GSR: variants seen among roughly 807,000 people sequenced by gnomAD.
GSR encodes glutathione-disulfide reductase.
Under a neutral mutation model 56.5 loss-of-function variants are expected in GSR, and 48 were observed. The observed-to-expected ratio is 0.85, with a 90% CI of 0.67 to 1.08. The LOEUF (loss-of-function observed/expected upper bound fraction) is 1.08, where lower values mean the gene tolerates loss of function less well. GSR is among the 50% of genes least tolerant of loss of function. GSR has a pLI of 0.00. For missense variants in GSR, 694 were observed against 703.3 expected, an observed-to-expected ratio of 0.99 and a Z score of 0.15; for synonymous variants, 264 against 270.8, an observed-to-expected ratio of 0.97 and a Z score of 0.25.
chr8:30,699,379 C>T (rs1459670630), intron 6 of GSR, among the ~76,000 whole-genome samples: 3 of 151,658 alleles, frequency 2.0e-5, no homozygotes, highest in South Asian at 2.1e-4. Context: ...GAGGCTGAGG[C>T]GGGCGGATCA....
intron 9 of GSR, among the ~76,000 whole-genome samples, chr8:30,685,584 G>A (rs547384166): frequency 6.6e-5 from 10 of 152,178 alleles, no homozygotes; most frequent in Admixed American, 4.6e-4. Context: ...TTTGCTTTAA[G>A]AAGACATGTT....
intron 6 of GSR, among the ~76,000 whole-genome samples, chr8:30,697,615 A>G (rs1219700589): frequency 1.3e-5 from 2 of 152,220 alleles, no homozygotes; most frequent in East Asian, 3.9e-4. Flanking sequence ...GTGACAGAGC[A>G]AAAGACCCTA....
At chr8:30,696,890 A>C (rs1803561472) in intron 6 of GSR, among the ~76,000 whole-genome samples, 1 of 152,072 alleles carries the variant, frequency 6.6e-6, no homozygotes, top group African/African-American at 2.4e-5. Context: ...GTAGAGACAG[A>C]GTCTCACCAT....
At chr8:30,725,809 G>A (rs981169101) in intron 1 of GSR, among the ~76,000 whole-genome samples, 2 of 150,002 alleles carry the variant, frequency 1.3e-5, no homozygotes, top group African/African-American at 4.9e-5. Context: ...TTGAACCTGG[G>A]AGGCAGAGGT....
At chr8:30,705,104 T>C (rs1016849222) in intron 4 of GSR, among the ~76,000 whole-genome samples, 6 of 151,902 alleles carry the variant, frequency 3.9e-5, no homozygotes, top group Non-Finnish European at 8.8e-5. Context: ...CCTACCTCTT[T>C]TGCAAAAGTA....
intron 9 of GSR, among the ~76,000 whole-genome samples, chr8:30,688,578 CAAAAAAAAA>C (rs57690198): frequency 1.2e-5 from 1 of 81,544 alleles, no homozygotes; most frequent in Non-Finnish European, 2.2e-5. Flanking sequence ...GACCCTGTCT[CAAAAAAAAA>C]AAAAAAAAAA....
intron 1 of GSR, among the ~76,000 whole-genome samples, chr8:30,716,254 T>C (rs1804330225): frequency 1.3e-5 from 2 of 152,156 alleles, no homozygotes; most frequent in African/African-American, 4.8e-5. Context: ...TCCCTAAAAT[T>C]GAAGAGCACT....
chr8:30,691,544 G>A (rs1477879629), intron 8 of GSR, among the ~76,000 whole-genome samples: 1 of 151,056 alleles, frequency 6.6e-6, no homozygotes, highest in Admixed American at 6.6e-5. Flanking sequence ...AGCCAGGCAT[G>A]GTGGTGCGTG....
chr8:30,723,693 G>A (rs566346911), intron 1 of GSR, among the ~76,000 whole-genome samples: 5 of 152,016 alleles, frequency 3.3e-5, no homozygotes, highest in African/African-American at 4.8e-5. Context: ...TTACGAGGCT[G>A]AGGCACATGA....
chr8:30,686,454 G>A (rs1277145761), intron 9 of GSR, among the ~76,000 whole-genome samples: 2 of 152,068 alleles, frequency 1.3e-5, no homozygotes, highest in Non-Finnish European at 2.9e-5. Context: ...GGGAAGCTGA[G>A]GTGGAAGGAT....
intron 1 of GSR, among the ~76,000 whole-genome samples, chr8:30,715,777 G>A (rs913493567): frequency 5.3e-5 from 8 of 152,136 alleles, no homozygotes; most frequent in Non-Finnish European, 8.8e-5. Context: ...GTGTCATAAA[G>A]CACTCAATGT....
At chr8:30,718,870 G>A (rs1341208857) in intron 1 of GSR, among the ~76,000 whole-genome samples, 7 of 152,040 alleles carry the variant, frequency 4.6e-5, no homozygotes, top group South Asian at 2.1e-4. Flanking sequence ...TTAGCTTCCC[G>A]AGTAGCTGAG....
intron 9 of GSR, among the ~76,000 whole-genome samples, chr8:30,686,994 G>A (rs1054584485): frequency 2.0e-5 from 3 of 151,690 alleles, no homozygotes; most frequent in African/African-American, 7.3e-5. Flanking sequence ...GCGTCACCAT[G>A]CCTGGCTAAT....
chr8:30,705,463 C>T (rs1029640200), intron 4 of GSR, among the ~76,000 whole-genome samples: 4 of 152,120 alleles, frequency 2.6e-5, no homozygotes, highest in African/African-American at 4.8e-5. Context: ...GGGGTTTCAC[C>T]GTGTTAGCCA....
intron 9 of GSR, 77 bp from the exon 10 acceptor site, chr8:30,684,276 T>A: frequency 1.2e-6 from 1 of 833,638 alleles, no homozygotes; most frequent in Non-Finnish European, 2.1e-6. Flanking sequence ...TGGATCTCCC[T>A]TCCTCATTTC....
intron 6 of GSR, among the ~76,000 whole-genome samples, chr8:30,697,511 C>T (rs1264369861): frequency 6.6e-6 from 1 of 151,978 alleles, no homozygotes; most frequent in Non-Finnish European, 1.5e-5. Context: ...GTCTGTGGTC[C>T]CAGTTACTTG....
At chr8:30,725,350 C>T (rs1192824010) in intron 1 of GSR, among the ~76,000 whole-genome samples, 1 of 151,916 alleles carries the variant, frequency 6.6e-6, no homozygotes. Flanking sequence ...CTTTGGGAGG[C>T]TGAGGTGAGC....
intron 9 of GSR, among the ~76,000 whole-genome samples, chr8:30,684,975 T>TTATG (rs1563526895): frequency 1.7e-5 from 2 of 116,946 alleles, no homozygotes; most frequent in African/African-American, 6.2e-5. Context: ...ATTTATTTAT[T>TTATG]TATTTATTTA....
chr8:30,711,408 T>C (rs145348034), intron 2 of GSR, among the ~76,000 whole-genome samples: 158 of 152,256 alleles, frequency 1.0e-3, no homozygotes, highest in African/African-American at 3.6e-3. Context: ...ACCACAGATA[T>C]TAACAACGAA....
Sources: allele counts gnomAD v4.1 joint callset (sites outside exome capture counted in the v4.1 genomes callset), GRCh38; gene constraint gnomAD v4.1.1; transcripts MANE v1.5; gene names NCBI Gene and HGNC (gene_info 2026-07-23, HGNC 2026-07-21).